Variants in KATNAL2 observed in about 807,000 individuals in gnomAD.
KATNAL2 encodes the protein katanin catalytic subunit A1 like 2.
In KATNAL2, 52 loss-of-function variants were observed where a neutral mutation model predicts 76.3. The observed-to-expected ratio is 0.68, with a 90% CI of 0.55 to 0.86. The LOEUF is 0.86. KATNAL2 is among the 40% of genes least tolerant of loss of function. The pLI is 0.00. For missense variants in KATNAL2, 660 were observed against 668.9 expected, an observed-to-expected ratio of 0.99 and a Z score of 0.15; for synonymous variants, 243 against 244.2, an observed-to-expected ratio of 1.00 and a Z score of 0.05.
chr18:47,087,476 T>A (rs1199353863), intron 15 of KATNAL2, among the ~76,000 whole-genome samples: 1 of 152,076 alleles, frequency 6.6e-6, no homozygotes, highest in Non-Finnish European at 1.5e-5. Context: ...ATGTTCTCAC[T>A]TATAAGTGAG....
intron 15 of KATNAL2, among the ~76,000 whole-genome samples, chr18:47,093,401 CTTT>C (rs557793941): frequency 6.3e-5 from 8 of 127,726 alleles, no homozygotes; most frequent in Non-Finnish European, 8.3e-5. Flanking sequence ...TTTCTCTGTC[CTTT>C]TTTTTTTTTT....
chr18:47,065,136 A>C (rs1046877186), intron 10 of KATNAL2, among the ~76,000 whole-genome samples: 1 of 152,160 alleles, frequency 6.6e-6, no homozygotes, highest in Non-Finnish European at 1.5e-5. Context: ...TGGATTGTAA[A>C]TATCATGCAT....
At chr18:46,958,483 G>A (rs923474000) in intron 3 of KATNAL2, among the ~76,000 whole-genome samples, 11 of 152,008 alleles carry the variant, frequency 7.2e-5, no homozygotes, top group Admixed American at 2.6e-4. Flanking sequence ...ATGCGTGTGC[G>A]TGTGTATGCA....
At chr18:46,961,791 G>C (rs953323433) in intron 3 of KATNAL2, among the ~76,000 whole-genome samples, 2 of 150,080 alleles carry the variant, frequency 1.3e-5, no homozygotes, top group Non-Finnish European at 2.9e-5. Flanking sequence ...TTTGATAAAT[G>C]GCATTTTTGA....
intron 3 of KATNAL2, among the ~76,000 whole-genome samples, chr18:46,960,929 T>C: frequency 6.6e-6 from 1 of 152,202 alleles, no homozygotes; most frequent in East Asian, 1.9e-4. Flanking sequence ...CAGACTTGCG[T>C]CTTAAGAACT....
chr18:47,034,874 T>G (rs760456244), intron 3 of KATNAL2: 1 of 1,612,112 alleles, frequency 6.2e-7, no homozygotes, highest in South Asian at 1.1e-5. Context: ...CTGCGTGCTG[T>G]CCGTCTGTGC....
intron 4 of KATNAL2, among the ~76,000 whole-genome samples, chr18:47,052,514 G>C (rs907056799): frequency 2.2e-4 from 33 of 152,132 alleles, no homozygotes; most frequent in Non-Finnish European, 1.5e-5. Context: ...TGAATAAAGA[G>C]GTAACCAAGT....
intron 7 of KATNAL2, among the ~76,000 whole-genome samples, chr18:47,058,956 A>G (rs1385081873): frequency 6.6e-6 from 1 of 152,120 alleles, no homozygotes; most frequent in Non-Finnish European, 1.5e-5. Flanking sequence ...CATGTCCAGA[A>G]CCTTCTTAGT....
intron 6 of KATNAL2, among the ~76,000 whole-genome samples, chr18:47,055,487 A>G (rs978868239): frequency 2.6e-5 from 4 of 152,194 alleles, no homozygotes; most frequent in Non-Finnish European, 5.9e-5. Flanking sequence ...GACACTTTAC[A>G]GGGCTGGTGG....
At chr18:47,065,012 A>T (rs1460826398) in intron 10 of KATNAL2, among the ~76,000 whole-genome samples, 1 of 152,206 alleles carries the variant, frequency 6.6e-6, no homozygotes, top group Non-Finnish European at 1.5e-5. Flanking sequence ...CCGAGATTTC[A>T]CTAAGAAAGG....
chr18:47,090,292 A>T lies in KATNAL2; in HGVS notation c.1212-8951A>T, dbSNP rs550720386. 2.0e-5 allele frequency among the ~76,000 whole-genome samples: 3 copies of T among 152,092 alleles called. No individual in the cohort carries two copies. In the East Asian group the frequency reaches 5.8e-4, roughly 29 times the overall value. On this transcript the variant is annotated intron_variant, in intron 15 of 17. Transcript: ENST00000683218. ...CAGCTCATTTTTGTATTATTAGTAG[A>T]GACAGGGTTTCACCATGTTAGCTAG...
At chr18:46,936,081 A>G (rs948984431) in intron 1 of KATNAL2, among the ~76,000 whole-genome samples, 16 of 152,336 alleles carry the variant, frequency 1.1e-4, no homozygotes, top group African/African-American at 3.6e-4. Flanking sequence ...AGTGTATGAT[A>G]CAGAACCACA....
intron 15 of KATNAL2, among the ~76,000 whole-genome samples, chr18:47,086,138 A>G (rs1036644911): frequency 3.3e-5 from 5 of 152,274 alleles, no homozygotes; most frequent in African/African-American, 9.6e-5. Flanking sequence ...TCTATGAAAA[A>G]TAAGATAAAG....
chr18:47,086,875 G>A (rs1311427915), intron 15 of KATNAL2, among the ~76,000 whole-genome samples: 1 of 152,182 alleles, frequency 6.6e-6, no homozygotes, highest in East Asian at 1.9e-4. Context: ...ACACCTTACT[G>A]TTTGATCTCA....
At chr18:47,071,753 A>T (rs1022261436) in intron 13 of KATNAL2, among the ~76,000 whole-genome samples, 6 of 151,986 alleles carry the variant, frequency 3.9e-5, no homozygotes, top group Non-Finnish European at 5.9e-5. Context: ...TTTCTGGTTT[A>T]ATGTTGAATA....
At chr18:47,059,939 A>C (rs2147136241) in intron 8 of KATNAL2, among the ~76,000 whole-genome samples, 1 of 152,242 alleles carries the variant, frequency 6.6e-6, no homozygotes, top group Middle Eastern at 3.4e-3. Flanking sequence ...CCATCAGCTT[A>C]AAAATTCTGT....
At chr18:47,033,153 C>T (rs1369469159) in intron 3 of KATNAL2, 1 of 1,614,076 alleles carries the variant, frequency 6.2e-7, no homozygotes, top group African/African-American at 1.3e-5. Context: ...TCTCAGGGAG[C>T]CAGCGAAGGA....
Position 47,084,847 on chromosome 18 carries a change from T to TAAAAAAAAAAAAA in KATNAL2, c.1211+7402_1211+7414dup, listed in dbSNP as rs34034453. On this transcript the variant is annotated intron_variant, in intron 15 of 17. Coordinates refer to ENST00000683218, the MANE Select transcript of KATNAL2 (RefSeq NM_001387690.1). ...CTGGATGACAGAGCAAGACTCTGTC[T>TAAAAAAAAAAAAA]AAAAAAAAAAAAAAAAAAAAAAAAA... 7.4e-4 allele frequency among the ~76,000 whole-genome samples: 19 copies of TAAAAAAAAAAAAA among 25,540 alleles called. 3 individuals carry two copies. Among genetic ancestry groups the TAAAAAAAAAAAAA allele is most frequent in the Non-Finnish European group, 1.2e-3 (18 of 15,436 alleles). The allele number at this position is 25,540 out of a possible 152,430, so 16.8% of individuals were successfully genotyped here.
chr18:47,082,655 GTATAATAA>G (rs1898185104), intron 15 of KATNAL2, among the ~76,000 whole-genome samples: 1 of 152,120 alleles, frequency 6.6e-6, no homozygotes, highest in Non-Finnish European at 1.5e-5. Context: ...CATTTTGTGT[GTATAATAA>G]TTTATCCCAC....
Sources: allele counts gnomAD v4.1 joint callset (sites outside exome capture counted in the v4.1 genomes callset), GRCh38; gene constraint gnomAD v4.1.1; transcripts MANE v1.5; gene names NCBI Gene and HGNC (gene_info 2026-07-23, HGNC 2026-07-21).